The following CLTC variants were observed in gnomAD, a reference collection of about 807,000 sequenced individuals.
CLTC encodes clathrin heavy chain.
CLTC carries 16 observed loss-of-function variants against 195.8 expected under a neutral mutation model. The observed-to-expected ratio is 0.08, with a 90% confidence interval of 0.06 to 0.12. The LOEUF is 0.12. Among genes scored for constraint, CLTC ranks in the 10% least tolerant of loss-of-function variants. The pLI is 1.00. For synonymous variants in CLTC, 667 were observed against 689.4 expected, an observed-to-expected ratio of 0.97 and a Z score of 0.51; for missense variants, 796 against 2,027.0, an observed-to-expected ratio of 0.39 and a Z score of 11.66.
Position 59,682,880 on chromosome 17 carries a change from T to C in CLTC, c.3766-27T>C. 3.1e-6 allele frequency: 5 copies of C among 1,612,478 alleles called. No individual in the cohort carries two copies. The highest frequency in any genetic ancestry group is 4.2e-6 in the Non-Finnish European group (5 of 1,179,058). On this transcript the variant is annotated intron_variant, in intron 23 of 31. Coordinates refer to ENST00000269122, the MANE Select transcript of CLTC (RefSeq NM_004859.4). This position sits in a 1 kb window ranked among gnomAD's most constrained non-coding sequence, Gnocchi z 6.8. ...TAACTAGCCATGTTTTACATTTGAG[T>C]TCACAGAAAGGAAATGTTTATTCTA...
At chr17:59,638,601 C>T (rs1041170373) in intron 1 of CLTC, among the ~76,000 whole-genome samples, 1 of 152,058 alleles carries the variant, frequency 6.6e-6, no homozygotes, top group Non-Finnish European at 1.5e-5. Context: ...ATTGTTTCAC[C>T]TCAGATCACA....
chr17:59,692,900 G>A lies in CLTC; in HGVS notation c.4904-828G>A, dbSNP rs535865275. On this transcript the variant is annotated intron_variant, in intron 31 of 31. Coordinates refer to ENST00000269122, the MANE Select transcript of CLTC (RefSeq NM_004859.4). ...TGATCCACCCTCCTCGGCCTCCCAC[G>A]GTGCTGGGATTACAGGCGTGAGCCA... 7.9e-5 allele frequency among the ~76,000 whole-genome samples: 12 copies of A among 152,064 alleles called. No homozygotes were observed. The South Asian group carries it at 1.9e-3, about 24-fold the overall frequency.
intron 31 of CLTC, among the ~76,000 whole-genome samples, chr17:59,692,042 G>T (rs1444953483): frequency 6.6e-6 from 1 of 152,142 alleles, no homozygotes; most frequent in Non-Finnish European, 1.5e-5. Flanking sequence ...CTGTTGGCTG[G>T]GTGCAGTGGC....
At chr17:59,687,113 G>A (rs2033201123) in intron 30 of CLTC, 2 of 620,192 alleles carry the variant, frequency 3.2e-6, no homozygotes, top group African/African-American at 2.0e-5. Context: ...CACTGCTGCT[G>A]CTGCTTTTTC....
At chr17:59,674,523 TC>T (rs1290399539) in intron 15 of CLTC, 177 bp from the exon 16 acceptor site, 22 of 547,430 alleles carry the variant, frequency 4.0e-5, no homozygotes, top group Non-Finnish European at 5.1e-5. Flanking sequence ...TAGCTGGACT[TC>T]CTGCTAAATT....
At chr17:59,633,131 C>T (rs1472608523) in intron 1 of CLTC, among the ~76,000 whole-genome samples, 2 of 152,188 alleles carry the variant, frequency 1.3e-5, no homozygotes, top group South Asian at 2.1e-4. Context: ...TGTAACTCCT[C>T]ATGCTGATTG....
intron 17 of CLTC, 130 bp from the exon 18 acceptor site, chr17:59,679,267 G>A (rs1305101739): frequency 1.4e-6 from 1 of 694,812 alleles, no homozygotes; most frequent in African/African-American, 1.8e-5. Context: ...ATGAATCAAA[G>A]TCCAAAACTA....
At chr17:59,628,782 C>CT (rs1671341164) in intron 1 of CLTC, among the ~76,000 whole-genome samples, 1 of 152,198 alleles carries the variant, frequency 6.6e-6, no homozygotes, top group Non-Finnish European at 1.5e-5. Context: ...CCTCAGCCTC[C>CT]TGAGTAGCTG....
At position 59,694,057 on chromosome 17, in the gene CLTC, G is replaced by T; in HGVS notation, c.*205G>T. 2.3e-6 allele frequency: 1 copy of T among 436,562 alleles called. No homozygotes were observed. The highest frequency in any genetic ancestry group is 3.8e-6 in the Non-Finnish European group (1 of 264,260). 27.0% of individuals were successfully genotyped at this position (436,562 alleles called of 1,614,324 possible). On this transcript the variant is annotated 3_prime_UTR_variant, in exon 32 of 32. Coordinates refer to ENST00000269122, the MANE Select transcript of CLTC (RefSeq NM_004859.4). ...CCACATCATTTTAGAATTTATTTTC[G>T]AAGGGGAATAGTTTCAATGTTTTAT...
chr17:59,674,287 C>A (rs1567963966), intron 15 of CLTC, among the ~76,000 whole-genome samples: 1 of 152,104 alleles, frequency 6.6e-6, no homozygotes, highest in Non-Finnish European at 1.5e-5. Flanking sequence ...GTTTTCAAAC[C>A]ATCTTAAATA....
intron 1 of CLTC, among the ~76,000 whole-genome samples, chr17:59,627,289 A>T (rs1016235215): frequency 6.6e-6 from 1 of 152,194 alleles, no homozygotes; most frequent in Non-Finnish European, 1.5e-5. Context: ...TAGTTGTTTG[A>T]GCACCTATTA....
In CLTC at chr17:59,695,980, A is replaced by G. The variant is rs898975284; in HGVS notation, c.*2128A>G. ...ACTAGAAAACAAGCATATATCCACA[A>G]TTACCAGAATTTTCATAGTATTCCT... On this transcript the variant is annotated 3_prime_UTR_variant, in exon 32 of 32. Transcript: ENST00000269122. The G allele has an allele frequency of 2.4e-5, 5 of 208,138 alleles. No individual in the cohort carries two copies. Among genetic ancestry groups the G allele is most frequent in the Non-Finnish European group, 3.9e-5 (4 of 102,418 alleles). 12.9% of individuals were successfully genotyped at this position (208,138 alleles called of 1,614,324 possible).
At position 59,648,196 on chromosome 17, in the gene CLTC, T is replaced by A. The variant is rs192789138; in HGVS notation, c.520-44T>A. 1.2e-4 allele frequency: 187 copies of A among 1,541,676 alleles called. 1 individual carries two copies. In the African/African-American group the frequency reaches 2.1e-3, roughly 18 times the overall value. On this transcript the variant is annotated intron_variant, in intron 3 of 31. Transcript: ENST00000269122. The surrounding 1 kb of genome is among the most constrained non-coding windows in gnomAD (Gnocchi z 4.5). ...ATTACTTGATGAATCTGAGAGTTTT[T>A]GATTTATGGGTCTTCAAACGTTATT... is the stretch of plus-strand genomic sequence containing the variant.
In CLTC at chr17:59,694,430, G is replaced by A. The variant is rs370532126; in HGVS notation, c.*578G>A. ...CAACTTGCCTGATTTTTAAATGAGC[G>A]TAAAAGGCCCTCTAACCTATGCAGG... On this transcript the variant is annotated 3_prime_UTR_variant, in exon 32 of 32. Transcript: ENST00000269122. The A allele has an allele frequency of 3.3e-4, 75 of 224,316 alleles. 1 individual carries two copies. The South Asian group carries it at 0.011, about 33-fold the overall frequency. 13.9% of individuals were successfully genotyped at this position (224,316 alleles called of 1,614,324 possible).
Position 59,683,900 on chromosome 17 carries a change from C to A in CLTC, c.4349C>A (p.Pro1450Gln). 6.2e-7 allele frequency: 1 copy of A among 1,613,606 alleles called. No homozygotes were observed. The highest frequency in any genetic ancestry group is 8.5e-7 in the Non-Finnish European group (1 of 1,179,604). The change falls in exon 28 of 32, where the codon CCG (proline) becomes CAG (glutamine). Residue 1450 changes from proline to glutamine, a missense_variant. Pro to Gln is a moderately conservative substitution (Grantham distance 76). Coordinates refer to ENST00000269122, the MANE Select transcript of CLTC (RefSeq NM_004859.4). This position sits in a 1 kb window ranked among gnomAD's most constrained non-coding sequence, Gnocchi z 6.1. ...SKVKQLPLVK[P>Q]YLRSVQNHNN... The stretch of plus-strand genomic sequence containing the variant: ...GTTAAACAGCTACCACTGGTGAAAC[C>A]GTATTTGCGTTCAGTTCAGAACCAT...
At position 59,644,417 on chromosome 17, in the gene CLTC, A is replaced by G; in HGVS notation, c.184A>G (p.Ile62Val). ...IIDMNDPSNP[I>V]RRPISADSAI... ...TGATATGAATGACCCAAGTAATCCA[A>G]TTCGAAGACCAATTTCAGCAGACAG... Residue 62 changes from isoleucine to valine, a missense_variant, in exon 2 of 32, where the codon ATT becomes GTT. Ile to Val is a conservative substitution (Grantham distance 29). Coordinates refer to ENST00000269122, the MANE Select transcript of CLTC (RefSeq NM_004859.4). The G allele has an allele frequency of 1.2e-6, 2 of 1,614,190 alleles. No individual in the cohort carries two copies. Among genetic ancestry groups the G allele is most frequent in the Non-Finnish European group, 1.7e-6 (2 of 1,180,032 alleles).
At chr17:59,625,449 A>G (rs1229870406) in intron 1 of CLTC, among the ~76,000 whole-genome samples, 2 of 152,056 alleles carry the variant, frequency 1.3e-5, no homozygotes, top group African/African-American at 2.4e-5. Context: ...CTTAGAGCAT[A>G]TATCAATTCA....
At chr17:59,642,404 CAT>C (rs959031894) in intron 1 of CLTC, among the ~76,000 whole-genome samples, 14 of 152,342 alleles carry the variant, frequency 9.2e-5, no homozygotes, top group East Asian at 5.8e-4. Context: ...GACTTAGAAA[CAT>C]AGAATTCTTA....
In CLTC at chr17:59,666,376, TG is replaced by T; in HGVS notation, c.1783-103del. 2 of 1,492,666 alleles carry T rather than the reference TG, an allele frequency of 1.3e-6. No individual in the cohort carries two copies. Among genetic ancestry groups the T allele is most frequent in the South Asian group, 2.5e-5 (2 of 78,692 alleles). 92.5% of individuals were successfully genotyped at this position (1,492,666 alleles called of 1,614,324 possible). A position where few individuals can be genotyped will look rare whatever the true frequency, so the allele number is the denominator to read the frequency against. ...AAATGTAGCTATTATAATATTCTTT[TG>T]TACTTTAACAGTTCACTATTAAACC... is the stretch of plus-strand genomic sequence containing the variant. On this transcript the variant is annotated intron_variant, in intron 11 of 31. Coordinates refer to ENST00000269122, the MANE Select transcript of CLTC (RefSeq NM_004859.4). The surrounding 1 kb of genome is among the most constrained non-coding windows in gnomAD (Gnocchi z 4.9).
Sources: gnomAD v4.1 joint callset for allele counts (sites outside exome capture counted in the v4.1 genomes callset) on GRCh38, gnomAD v4.1.1 for gene constraint, Gnocchi (gnomAD v3.1) non-coding constraint, MANE v1.5 for transcripts, NCBI Gene and HGNC (gene_info 2026-07-23, HGNC 2026-07-21) for gene names.